Variants in DLG2 observed in about 807,000 individuals in gnomAD.
The protein encoded by DLG2 is disks large homolog 2.
DLG2 carries 45 observed loss-of-function variants against 132.5 expected under a neutral mutation model. The ratio of observed to expected loss-of-function variants is 0.34; its 90% CI spans 0.27 to 0.44. DLG2 has a LOEUF of 0.44. DLG2 is among the 20% of genes least tolerant of loss of function. The pLI is 1.00. For synonymous variants in DLG2, 424 were observed against 419.6 expected (o/e 1.01, Z -0.13); for missense variants, 1,045 against 1,196.9 (o/e 0.87, Z 1.87).
At chr11:84,444,405 CAATT>C (rs2099026816) in intron 7 of DLG2, among the ~76,000 whole-genome samples, 1 of 151,978 alleles carries the variant, frequency 6.6e-6, no homozygotes, top group South Asian at 2.1e-4. Flanking sequence ...ATTAAAATAA[CAATT>C]AAAAATAGTA....
intron 19 of DLG2, among the ~76,000 whole-genome samples, chr11:83,611,306 G>C (rs1289161452): frequency 6.6e-6 from 1 of 151,996 alleles, no homozygotes; most frequent in African/African-American, 2.4e-5. Context: ...GAGAGAGAGA[G>C]ACAGAGAGAG....
chr11:85,468,825 T>C lies in DLG2; in HGVS notation c.40+129832A>G, dbSNP rs548999199. ...TGCAGAGTTCTGTAGATGTCTAATT[T>C]TTTTTAAATATTTATAGAGATGGAG... On this transcript the variant is annotated intron_variant, in intron 3 of 27. Transcript: ENST00000376104. Among the ~76,000 whole-genome samples the C allele has an allele frequency of 1.5e-3, 221 of 152,084 alleles. 1 individual carries two copies. The highest frequency in any genetic ancestry group is 3.1e-3 in the Admixed American group (48 of 15,274).
chr11:83,574,878 T>G (rs1363955896), intron 19 of DLG2, among the ~76,000 whole-genome samples: 1 of 152,178 alleles, frequency 6.6e-6, no homozygotes, highest in Non-Finnish European at 1.5e-5. Flanking sequence ...AATTATTGAC[T>G]AAAGAATGGA....
chr11:84,987,238 A>C (rs568696382), intron 6 of DLG2, among the ~76,000 whole-genome samples: 35 of 152,156 alleles, frequency 2.3e-4, no homozygotes, highest in Non-Finnish European at 4.1e-4. Flanking sequence ...ATAAACTACA[A>C]AACACTGCTG....
intron 16 of DLG2, among the ~76,000 whole-genome samples, chr11:83,844,701 C>T (rs920758885): frequency 1.3e-5 from 2 of 152,046 alleles, no homozygotes; most frequent in South Asian, 2.1e-4. Flanking sequence ...GAAAGATCTT[C>T]GCAATAGATC....
At chr11:85,294,517 T>C (rs1242678370) in intron 3 of DLG2, among the ~76,000 whole-genome samples, 1 of 152,200 alleles carries the variant, frequency 6.6e-6, no homozygotes, top group African/African-American at 2.4e-5. Flanking sequence ...CTGGCTCTGC[T>C]ACTTACTAAA....
intron 5 of DLG2, among the ~76,000 whole-genome samples, chr11:85,127,188 C>T (rs1467746976): frequency 6.6e-6 from 1 of 151,920 alleles, no homozygotes; most frequent in African/African-American, 2.4e-5. Context: ...TACATCCCAG[C>T]CATATTGTCC....
At chr11:84,890,337 A>G (rs2089148271) in intron 6 of DLG2, among the ~76,000 whole-genome samples, 1 of 152,180 alleles carries the variant, frequency 6.6e-6, no homozygotes, top group African/African-American at 2.4e-5. Flanking sequence ...CTCAGACATC[A>G]GGCAGATGAT....
At chr11:83,506,320 T>C (rs1296385059) in intron 21 of DLG2, among the ~76,000 whole-genome samples, 1 of 152,224 alleles carries the variant, frequency 6.6e-6, no homozygotes, top group Non-Finnish European at 1.5e-5. Context: ...AATCAATAAA[T>C]TCAGCCTGAT....
At chr11:84,631,471 A>C (rs1245436116) in intron 6 of DLG2, among the ~76,000 whole-genome samples, 1 of 152,160 alleles carries the variant, frequency 6.6e-6, no homozygotes, top group African/African-American at 2.4e-5. Context: ...ACACAATAGC[A>C]ATACAATGTC....
At chr11:85,000,512 C>A (rs985240636) in intron 6 of DLG2, among the ~76,000 whole-genome samples, 3 of 152,058 alleles carry the variant, frequency 2.0e-5, no homozygotes, top group Non-Finnish European at 2.9e-5. Context: ...TCTATACACA[C>A]AAAACAATAA....
At chr11:85,026,698 G>A (rs564608673) in intron 6 of DLG2, among the ~76,000 whole-genome samples, 7 of 152,066 alleles carry the variant, frequency 4.6e-5, no homozygotes, top group South Asian at 2.1e-4. Context: ...TTAGCCGGGC[G>A]TGGTGGCGGG....
At chr11:85,572,921 G>A (rs188822854) in intron 3 of DLG2, among the ~76,000 whole-genome samples, 4 of 152,318 alleles carry the variant, frequency 2.6e-5, no homozygotes, top group African/African-American at 9.6e-5. Context: ...CTGATGGAAG[G>A]TATTTGGATC....
chr11:85,109,535 G>A (rs1183530408), intron 6 of DLG2, among the ~76,000 whole-genome samples: 3 of 152,010 alleles, frequency 2.0e-5, no homozygotes, highest in East Asian at 1.9e-4. Flanking sequence ...AAAGATGAAC[G>A]ATTTATAATA....
intron 11 of DLG2, among the ~76,000 whole-genome samples, chr11:84,056,677 CAG>C (rs2096506589): frequency 6.6e-6 from 1 of 152,122 alleles, no homozygotes; most frequent in Non-Finnish European, 1.5e-5. Flanking sequence ...GAGGTATCAT[CAG>C]AGTTAGTGTA....
intron 16 of DLG2, among the ~76,000 whole-genome samples, chr11:83,858,824 GT>G (rs988185887): frequency 3.9e-5 from 6 of 152,148 alleles, no homozygotes; most frequent in Non-Finnish European, 7.3e-5. Context: ...GTGGCTTATA[GT>G]TTTTTTGTAA....
At chr11:83,667,422 TTC>T (rs2075830647) in intron 18 of DLG2, among the ~76,000 whole-genome samples, 1 of 152,202 alleles carries the variant, frequency 6.6e-6, no homozygotes, top group Admixed American at 6.5e-5. Flanking sequence ...TTGTAAACAA[TTC>T]TGTTTTTATT....
intron 14 of DLG2, among the ~76,000 whole-genome samples, chr11:83,937,704 C>G (rs889551389): frequency 6.6e-6 from 1 of 151,900 alleles, no homozygotes. Context: ...ATACAAATGA[C>G]AAATACACAC....
At chr11:85,569,152 C>T (rs1412669516) in intron 3 of DLG2, among the ~76,000 whole-genome samples, 2 of 152,152 alleles carry the variant, frequency 1.3e-5, no homozygotes, top group Admixed American at 6.5e-5. Context: ...CTTCCTCAGC[C>T]TCCTGAGTAG....
Sources: allele counts gnomAD v4.1 joint callset (sites outside exome capture counted in the v4.1 genomes callset), GRCh38; gene constraint gnomAD v4.1.1; transcripts MANE v1.5; gene names NCBI Gene and HGNC (gene_info 2026-07-23, HGNC 2026-07-21).